The following PAK1 variants were observed in gnomAD, a reference collection of about 807,000 sequenced individuals.
The protein encoded by PAK1 is p21 (RAC1) activated kinase 1.
A neutral mutation model predicts 67.4 loss-of-function variants in PAK1; 29 were observed. The observed-to-expected ratio is 0.43, with a 90% CI of 0.32 to 0.59. PAK1 has a LOEUF of 0.59. PAK1 is among the 20% of genes least tolerant of loss of function. PAK1 has a pLI of 0.07. For missense variants in PAK1, 337 were observed against 670.7 expected, an observed-to-expected ratio of 0.50 and a Z score of 5.50; for synonymous variants, 223 against 237.4, an observed-to-expected ratio of 0.94 and a Z score of 0.56.
At chr11:77,483,440 TC>T in the PAK1 span, among the ~76,000 whole-genome samples, 2 of 152,306 alleles carry the variant, frequency 1.3e-5, no homozygotes, top group East Asian at 3.9e-4. Context: ...CAGACATTTA[TC>T]AAAACTCTAC....
At chr11:77,411,662 G>A (rs927108461) in intron 1 of PAK1, 5 of 152,224 alleles carry the variant, frequency 3.3e-5, no homozygotes, top group African/African-American at 1.2e-4. Flanking sequence ...TAAGAGGAAA[G>A]TAAGACACCC....
At chr11:77,393,296 A>T (rs1224606167) in intron 1 of PAK1, among the ~76,000 whole-genome samples, 31 of 149,552 alleles carry the variant, frequency 2.1e-4, no homozygotes, top group Non-Finnish European at 2.4e-4. Context: ...AGAGAGAGAG[A>T]GAGAGAGAGA....
the PAK1 span, among the ~76,000 whole-genome samples, chr11:77,512,583 T>C: frequency 6.6e-6 from 1 of 152,186 alleles, no homozygotes; most frequent in Non-Finnish European, 1.5e-5. Context: ...TATCCTTTTT[T>C]AAGGAAGATT....
the PAK1 span, among the ~76,000 whole-genome samples, chr11:77,518,713 G>A: frequency 3.9e-5 from 6 of 152,244 alleles, no homozygotes; most frequent in Admixed American, 2.6e-4. Flanking sequence ...TTGTGGCATC[G>A]TGGCAGCTGA....
intron 9 of PAK1, among the ~76,000 whole-genome samples, chr11:77,346,488 C>T (rs1944441393): frequency 6.6e-6 from 1 of 152,192 alleles, no homozygotes; most frequent in African/African-American, 2.4e-5. Flanking sequence ...TGAAGATAAT[C>T]TCAACCTTGA....
At chr11:77,362,323 C>T (rs17160198) in intron 5 of PAK1, among the ~76,000 whole-genome samples, 221 of 152,286 alleles carry the variant, frequency 1.5e-3, no homozygotes, top group African/African-American at 5.0e-3. Context: ...AGATCTCAAA[C>T]GTCCTCTGTT....
At chr11:77,494,190 T>C in the PAK1 span, among the ~76,000 whole-genome samples, 1 of 152,354 alleles carries the variant, frequency 6.6e-6, no homozygotes, top group Non-Finnish European at 1.5e-5. Context: ...ACTGCAGCAC[T>C]GTAACCTCAT....
chr11:77,455,732 A>G (rs914956693), intron 1 of PAK1: 6 of 152,230 alleles, frequency 3.9e-5, no homozygotes, highest in Admixed American at 2.6e-4. Context: ...ATTTACTATC[A>G]TATTCCCATG....
intron 1 of PAK1, among the ~76,000 whole-genome samples, chr11:77,461,463 A>G (rs1957340946): frequency 6.6e-6 from 1 of 152,226 alleles, no homozygotes; most frequent in South Asian, 2.1e-4. Flanking sequence ...TTTCTCTAAG[A>G]AAGAATTATT....
Position 77,443,185 on chromosome 11 carries a change from T to G in PAK1, c.-22+30367A>C, listed in dbSNP as rs568663748. Among the ~76,000 whole-genome samples, 99 of 151,140 alleles carry G rather than the reference T, an allele frequency of 6.6e-4. 1 individual carries two copies. Among genetic ancestry groups the G allele is most frequent in the Non-Finnish European group, 1.1e-3 (77 of 67,808 alleles). On this transcript the variant is annotated intron_variant, in intron 1 of 14. Coordinates refer to ENST00000356341, the MANE Select transcript of PAK1 (RefSeq NM_002576.5). ...TAAAAATACAAAAATTAGCCGGGTG[T>G]GGTAGCGCACGCCTGTAGTCTCAGG... is the stretch of plus-strand genomic sequence containing the variant.
chr11:77,361,253 A>G (rs779518482), intron 5 of PAK1, among the ~76,000 whole-genome samples: 4 of 152,198 alleles, frequency 2.6e-5, no homozygotes, highest in African/African-American at 7.2e-5. Context: ...AAAATGTCAT[A>G]TAACAGTGAC....
At position 77,332,799 on chromosome 11, in the gene PAK1, G is replaced by C; in HGVS notation, c.1482C>G (p.Phe494Leu). ...CGAGACAGCGGTTCAGAAAGTCCCG[G>C]AAGATAGCTGACAGCTTCTCTGGGT... ...LQNPEKLSAI[F>L]RDFLNRCLEM... The change falls in exon 14 of 15, where the codon TTC becomes TTG. Residue 494 changes from phenylalanine (F) to leucine (L), a missense_variant. This residue lies in a region of PAK1 where 71 missense variants were observed against 160.5 expected (regional missense o/e 0.44). Coordinates refer to ENST00000356341, the MANE Select transcript of PAK1 (RefSeq NM_002576.5). 2 of 1,613,474 alleles carry C rather than the reference G, an allele frequency of 1.2e-6. No homozygotes were observed. The highest frequency in any genetic ancestry group is 1.7e-6 in the Non-Finnish European group (2 of 1,179,430).
At chr11:77,497,933 C>G in the PAK1 span, among the ~76,000 whole-genome samples, 108 of 152,214 alleles carry the variant, frequency 7.1e-4, no homozygotes, top group Non-Finnish European at 1.2e-3. Context: ...AAAACTGCTA[C>G]CTTCAGTAAA....
chr11:77,336,347 A>T, intron 12 of PAK1, 65 bp from the exon 13 acceptor site: 1 of 1,254,546 alleles, frequency 8.0e-7, no homozygotes. Context: ...GTAAGTGTTG[A>T]CTGTGTACCT....
At chr11:77,480,079 G>C in the PAK1 span, among the ~76,000 whole-genome samples, 1 of 152,122 alleles carries the variant, frequency 6.6e-6, no homozygotes, top group East Asian at 1.9e-4. Context: ...TGTTTTGTAA[G>C]TTTCCATATG....
chr11:77,494,115 C>A, the PAK1 span, among the ~76,000 whole-genome samples: 2 of 152,100 alleles, frequency 1.3e-5, no homozygotes, highest in South Asian at 4.1e-4. Context: ...CCAGCAAAAC[C>A]ACTTATAGGA....
chr11:77,326,131 G>A (rs1939775342), intron 14 of PAK1, among the ~76,000 whole-genome samples: 2 of 152,158 alleles, frequency 1.3e-5, no homozygotes, highest in African/African-American at 4.8e-5. Context: ...TACAATAAAA[G>A]AACACTAGTT....
At chr11:77,499,577 C>G in the PAK1 span, among the ~76,000 whole-genome samples, 1 of 152,136 alleles carries the variant, frequency 6.6e-6, no homozygotes, top group African/African-American at 2.4e-5. Flanking sequence ...TCTGGGAAGT[C>G]TTTCATGCCC....
chr11:77,484,219 A>AAC, the PAK1 span, among the ~76,000 whole-genome samples: 8 of 138,478 alleles, frequency 5.8e-5, no homozygotes, highest in Non-Finnish European at 1.3e-4. Context: ...AGTTATCCAT[A>AAC]AAAAAAAAAA....
Sources: gnomAD v4.1 joint callset for allele counts (sites outside exome capture counted in the v4.1 genomes callset) on GRCh38, gnomAD v4.1.1 for gene constraint, gnomAD v4.1.1 regional missense constraint, MANE v1.5 for transcripts, NCBI Gene and HGNC (gene_info 2026-07-23, HGNC 2026-07-21) for gene names.